The following NEGR1 variants were observed in gnomAD, a reference collection of about 807,000 sequenced individuals.
The protein encoded by NEGR1 is IgLON family member 4.
A neutral mutation model predicts 40.9 loss-of-function variants in NEGR1; 10 were observed. The observed-to-expected ratio is 0.24, with a 90% CI of 0.15 to 0.42. The LOEUF is 0.42. Among genes scored for constraint, NEGR1 ranks in the 10% least tolerant of loss-of-function variants. The pLI, the probability that NEGR1 is intolerant of heterozygous loss-of-function variation, is 1.00. For missense variants in NEGR1, 352 were observed against 438.9 expected, an observed-to-expected ratio of 0.80 and a Z score of 1.77; for synonymous variants, 185 against 166.8, an observed-to-expected ratio of 1.11 and a Z score of -0.84.
chr1:71,602,706 G>T (rs893067713), intron 5 of NEGR1, among the ~76,000 whole-genome samples: 2 of 152,108 alleles, frequency 1.3e-5, no homozygotes, highest in South Asian at 2.1e-4. Flanking sequence ...TTGGCTTAGG[G>T]TTCCCTGAAA....
intron 2 of NEGR1, among the ~76,000 whole-genome samples, chr1:71,834,237 G>A (rs1384180591): frequency 6.6e-6 from 1 of 152,052 alleles, no homozygotes; most frequent in Non-Finnish European, 1.5e-5. Flanking sequence ...CTGGTATGAT[G>A]GTTATTTTTA....
At chr1:71,922,937 C>T (rs1645734171) in intron 2 of NEGR1, among the ~76,000 whole-genome samples, 2 of 152,102 alleles carry the variant, frequency 1.3e-5, no homozygotes, top group Admixed American at 1.3e-4. Flanking sequence ...CAATCTAATA[C>T]TTATGCCATG....
At chr1:71,569,078 G>A (rs61765006) in intron 6 of NEGR1, among the ~76,000 whole-genome samples, 1,753 of 151,936 alleles carry the variant, frequency 0.012, 22 homozygotes, top group Non-Finnish European at 0.017. Flanking sequence ...CACGATGCCC[G>A]GCTAATTTTT....
At chr1:71,602,481 G>C (rs569873780) in intron 5 of NEGR1, among the ~76,000 whole-genome samples, 1 of 151,278 alleles carries the variant, frequency 6.6e-6, no homozygotes, top group Non-Finnish European at 1.5e-5. Flanking sequence ...TCGATCTCCT[G>C]ACCTCGTGAT....
intron 1 of NEGR1, among the ~76,000 whole-genome samples, chr1:72,108,385 G>A (rs1028412992): frequency 1.3e-5 from 2 of 151,394 alleles, no homozygotes; most frequent in African/African-American, 4.8e-5. Context: ...GGTCACTAGA[G>A]TACTTTCAGA....
At chr1:71,918,614 T>C (rs1231141025) in intron 2 of NEGR1, among the ~76,000 whole-genome samples, 1 of 152,144 alleles carries the variant, frequency 6.6e-6, no homozygotes, top group East Asian at 1.9e-4. Flanking sequence ...AAATTTATGT[T>C]ACCTTGAAAA....
chr1:71,586,045 T>A (rs1649296652), intron 6 of NEGR1, among the ~76,000 whole-genome samples: 1 of 152,160 alleles, frequency 6.6e-6, no homozygotes, highest in Non-Finnish European at 1.5e-5. Flanking sequence ...AAATAATTTA[T>A]TTTCCCCTAT....
chr1:71,606,450 T>G (rs1338076287), intron 5 of NEGR1, among the ~76,000 whole-genome samples: 1 of 152,214 alleles, frequency 6.6e-6, no homozygotes, highest in Non-Finnish European at 1.5e-5. Context: ...CCTGGATTCC[T>G]GACCCACAGA....
At chr1:71,921,971 G>A (rs905279350) in intron 2 of NEGR1, among the ~76,000 whole-genome samples, 2 of 151,982 alleles carry the variant, frequency 1.3e-5, no homozygotes, top group Non-Finnish European at 2.9e-5. Flanking sequence ...ATACAGAGAA[G>A]TTTTTACATA....
intron 1 of NEGR1, among the ~76,000 whole-genome samples, chr1:72,080,802 CA>C (rs1647965070): frequency 1.3e-5 from 2 of 151,966 alleles, no homozygotes; most frequent in African/African-American, 4.8e-5. Context: ...GAGACTTTTA[CA>C]GAAAAAAGCT....
At chr1:72,118,280 A>C (rs559238821) in intron 1 of NEGR1, among the ~76,000 whole-genome samples, 3 of 151,974 alleles carry the variant, frequency 2.0e-5, no homozygotes, top group African/African-American at 7.2e-5. Context: ...TGGCACCTAC[A>C]AGCTGTAGCA....
chr1:72,052,166 C>A (rs1647067845), intron 1 of NEGR1, among the ~76,000 whole-genome samples: 1 of 151,304 alleles, frequency 6.6e-6, no homozygotes, highest in African/African-American at 2.4e-5. Flanking sequence ...AGCAGGTGGA[C>A]AACTATATGA....
intron 3 of NEGR1, among the ~76,000 whole-genome samples, chr1:71,739,054 G>T (rs186655206): frequency 1.2e-4 from 19 of 152,042 alleles, no homozygotes; most frequent in Admixed American, 9.8e-4. Flanking sequence ...CAAATTAAAG[G>T]TTGCAATGTT....
At chr1:71,831,349 A>T (rs966492739) in intron 2 of NEGR1, among the ~76,000 whole-genome samples, 5 of 151,902 alleles carry the variant, frequency 3.3e-5, no homozygotes, top group Admixed American at 3.3e-4. Context: ...AAGGTGTTAG[A>T]TTGTTTGAGT....
intron 2 of NEGR1, chr1:71,794,113 A>T (rs1657229150): frequency 6.6e-6 from 1 of 152,154 alleles, no homozygotes; most frequent in African/African-American, 2.4e-5. Context: ...CTAATAGATA[A>T]CTTGTCTTTG....
At chr1:71,955,223 A>G (rs141798253) in intron 1 of NEGR1, among the ~76,000 whole-genome samples, 39 of 152,256 alleles carry the variant, frequency 2.6e-4, no homozygotes, top group Admixed American at 9.2e-4. Flanking sequence ...AATAAATAAT[A>G]TATTTTGGTA....
At chr1:71,464,284 A>G (rs1341586547) in intron 6 of NEGR1, among the ~76,000 whole-genome samples, 1 of 152,128 alleles carries the variant, frequency 6.6e-6, no homozygotes, top group East Asian at 1.9e-4. Context: ...CACAATGAAT[A>G]AGAGAATACG....
chr1:71,933,274 A>G (rs1453106275), intron 2 of NEGR1, among the ~76,000 whole-genome samples: 1 of 152,046 alleles, frequency 6.6e-6, no homozygotes, highest in African/African-American at 2.4e-5. Flanking sequence ...ATCCTATGAG[A>G]ATTAAACATG....
chr1:71,927,811 C>A (rs1456158069), intron 2 of NEGR1, among the ~76,000 whole-genome samples: 1 of 79,864 alleles, frequency 1.3e-5, no homozygotes, highest in Non-Finnish European at 2.1e-5. Context: ...TGGCAAGACC[C>A]AATCTCTAAA....
Sources: allele counts gnomAD v4.1 joint callset (sites outside exome capture counted in the v4.1 genomes callset), GRCh38; gene constraint gnomAD v4.1.1; transcripts MANE v1.5; gene names NCBI Gene and HGNC (gene_info 2026-07-23, HGNC 2026-07-21).